The following CDH18 variants were observed in gnomAD, a reference collection of about 807,000 sequenced individuals.
CDH18 encodes the protein cadherin-18.
In CDH18, 31 loss-of-function variants were observed where a neutral mutation model predicts 67.9. That is an observed-to-expected ratio of 0.46 (90% CI 0.34 to 0.62). The LOEUF (loss-of-function observed/expected upper bound fraction) is 0.62. Among genes scored for constraint, CDH18 ranks in the 20% least tolerant of loss-of-function variants. The pLI, the probability that CDH18 is intolerant of heterozygous loss-of-function variation, is 0.01. For missense variants in CDH18, 890 were observed against 975.5 expected (o/e 0.91, Z 1.17); for synonymous variants, 362 against 347.2 (o/e 1.04, Z -0.48).
chr5:19,712,483 C>T (rs1400068041), intron 5 of CDH18, among the ~76,000 whole-genome samples: 1 of 151,654 alleles, frequency 6.6e-6, no homozygotes, highest in Non-Finnish European at 1.5e-5. Flanking sequence ...AAATGTTACT[C>T]AAAGATCAGA....
chr5:19,896,867 A>G (rs1205899255), intron 2 of CDH18, among the ~76,000 whole-genome samples: 1 of 152,118 alleles, frequency 6.6e-6, no homozygotes, highest in Non-Finnish European at 1.5e-5. Context: ...GAAATTAGAG[A>G]AATGGGTTAA....
In CDH18 at chr5:20,523,568, T is replaced by C. The variant is rs114405428; in HGVS notation, c.-580+51894A>G. Among the ~76,000 whole-genome samples, 995 of 152,104 alleles carry C rather than the reference T, an allele frequency of 6.5e-3. 9 individuals are homozygous for C. Among genetic ancestry groups the C allele is most frequent in the African/African-American group, 0.023 (941 of 41,494 alleles). ...CATAACTTATTTTTTTTAGATGGAG[T>C]CTCGCTTCTTCACCCAGGCTGGAGT... On this transcript the variant is annotated intron_variant, in intron 1 of 14. Coordinates refer to the CDH18 transcript ENST00000507958.
chr5:19,658,241 T>A (rs570767877), intron 5 of CDH18, among the ~76,000 whole-genome samples: 2 of 152,134 alleles, frequency 1.3e-5, no homozygotes, highest in Non-Finnish European at 2.9e-5. Flanking sequence ...AAGACAATGA[T>A]CTTTCCTTCA....
chr5:19,671,622 G>C (rs1026377675), intron 5 of CDH18, among the ~76,000 whole-genome samples: 2 of 151,974 alleles, frequency 1.3e-5, no homozygotes, highest in Admixed American at 1.3e-4. Context: ...TTGTCAAATA[G>C]GATTTTTAAA....
chr5:19,590,799 G>A (rs1744987147), intron 7 of CDH18, among the ~76,000 whole-genome samples: 3 of 152,098 alleles, frequency 2.0e-5, no homozygotes, highest in African/African-American at 7.2e-5. Context: ...GATTAGAGCA[G>A]AGACAAAATG....
intron 5 of CDH18, among the ~76,000 whole-genome samples, chr5:19,710,350 A>T (rs1350067959): frequency 1.3e-5 from 2 of 152,144 alleles, no homozygotes; most frequent in African/African-American, 4.8e-5. Flanking sequence ...ATTGTCTTCT[A>T]TGTGTCACAC....
chr5:20,252,323 C>A (rs1400338391), intron 2 of CDH18, among the ~76,000 whole-genome samples: 1 of 151,746 alleles, frequency 6.6e-6, no homozygotes, highest in Non-Finnish European at 1.5e-5. Context: ...TGCACTCCAG[C>A]CTGGCGACAG....
chr5:20,445,541 T>G (rs988170810), intron 1 of CDH18, among the ~76,000 whole-genome samples: 3 of 152,158 alleles, frequency 2.0e-5, no homozygotes, highest in African/African-American at 7.2e-5. Context: ...GAGGTTAAAC[T>G]CAACTCTGAA....
At chr5:20,186,590 C>T (rs1160119248) in intron 2 of CDH18, among the ~76,000 whole-genome samples, 2 of 151,710 alleles carry the variant, frequency 1.3e-5, no homozygotes, top group African/African-American at 2.4e-5. Flanking sequence ...GAAATAATAA[C>T]CATGAAGAGA....
intron 2 of CDH18, among the ~76,000 whole-genome samples, chr5:20,113,017 A>C (rs548772692): frequency 2.0e-4 from 31 of 152,354 alleles, no homozygotes; most frequent in South Asian, 1.2e-3. Flanking sequence ...TAAATCAGAC[A>C]CATTACAATC....
intron 1 of CDH18, among the ~76,000 whole-genome samples, chr5:20,425,035 T>G (rs10040508): frequency 0.033 from 4,927 of 150,452 alleles, 556 homozygotes; most frequent in African/African-American, 0.12. Context: ...TTAGAAACTG[T>G]CCGGATAATA....
chr5:20,116,159 C>T (rs1747890559), intron 2 of CDH18, among the ~76,000 whole-genome samples: 1 of 151,992 alleles, frequency 6.6e-6, no homozygotes, highest in Non-Finnish European at 1.5e-5. Context: ...TGAGGATATC[C>T]AGTATTGTCA....
At chr5:19,738,242 A>T (rs1375113473) in intron 4 of CDH18, among the ~76,000 whole-genome samples, 1 of 152,116 alleles carries the variant, frequency 6.6e-6, no homozygotes, top group Non-Finnish European at 1.5e-5. Flanking sequence ...ATTTATAAGT[A>T]AAGGTGGAAG....
chr5:20,101,539 T>C (rs907186112), intron 2 of CDH18, among the ~76,000 whole-genome samples: 5 of 152,160 alleles, frequency 3.3e-5, no homozygotes, highest in Admixed American at 6.5e-5. Context: ...TTTCCACTAT[T>C]GGTAGGATCC....
chr5:19,849,446 G>A (rs1328643212), intron 2 of CDH18, among the ~76,000 whole-genome samples: 2 of 151,628 alleles, frequency 1.3e-5, no homozygotes, highest in African/African-American at 4.8e-5. Context: ...AGAACAATGT[G>A]TTTTAAGGAG....
chr5:19,495,879 TTA>T (rs1267240434), intron 11 of CDH18, among the ~76,000 whole-genome samples: 3 of 152,082 alleles, frequency 2.0e-5, no homozygotes, highest in Non-Finnish European at 4.4e-5. Flanking sequence ...AGGTATTTAC[TTA>T]TATTAGGAAC....
At chr5:19,780,580 C>A (rs920684549) in intron 3 of CDH18, among the ~76,000 whole-genome samples, 19 of 151,862 alleles carry the variant, frequency 1.3e-4, no homozygotes, top group East Asian at 3.9e-4. Context: ...CTTTTGTTTC[C>A]CCCTTGGTTA....
rs1561488814 is a variant in CDH18, at chr5:19,875,446, CG to C, written c.-256-36205del. Among the ~76,000 whole-genome samples, 113 of 140,470 alleles carry C rather than the reference CG, an allele frequency of 8.0e-4. 1 individual carries two copies. The highest frequency in any genetic ancestry group is 3.8e-3 in the Middle Eastern group (1 of 262). 92.2% of individuals were successfully genotyped at this position (140,470 alleles called of 152,430 possible). On this transcript the variant is annotated intron_variant, in intron 2 of 12. Transcript: ENST00000382275. The stretch of plus-strand genomic sequence containing the variant: ...TAGATAGATAGATAGATAGATCGAT[CG>C]ATCTATAGATAGATAGATGGATAGA...
intron 1 of CDH18, among the ~76,000 whole-genome samples, chr5:20,524,809 C>T (rs2457040): frequency 0.42 from 63,763 of 151,974 alleles, 14,587 homozygotes; most frequent in East Asian, 0.56. Context: ...AGTTCATACT[C>T]TCATGCAATG....
Sources: allele counts gnomAD v4.1 joint callset (sites outside exome capture counted in the v4.1 genomes callset), GRCh38; gene constraint gnomAD v4.1.1; transcripts MANE v1.5; gene names NCBI Gene and HGNC (gene_info 2026-07-23, HGNC 2026-07-21).